The following ATP6V0A1 variants were observed in gnomAD, a reference collection of about 807,000 sequenced individuals.
The protein encoded by ATP6V0A1 is V-type proton ATPase 116 kDa subunit a 1.
Under a neutral mutation model 105.4 loss-of-function variants are expected in ATP6V0A1, and 43 were observed. The observed-to-expected ratio is 0.41, with a 90% CI of 0.32 to 0.53. The LOEUF (loss-of-function observed/expected upper bound fraction) is 0.53, where lower values mean the gene tolerates loss of function less well. Among genes scored for constraint, ATP6V0A1 ranks in the 20% least tolerant of loss-of-function variants. The probability of loss-of-function intolerance (pLI) is 0.30; values close to 1 mark genes in which losing one functional copy is unlikely to be tolerated. For missense variants in ATP6V0A1, 676 were observed against 1,051.1 expected (o/e 0.64, Z 4.93); for synonymous variants, 362 against 372.8 (o/e 0.97, Z 0.33).
chr17:42,495,331 T>G lies in ATP6V0A1; in HGVS notation c.1469+143T>G, dbSNP rs1393838101. 1.3e-5 allele frequency: 13 copies of G among 975,072 alleles called. No homozygotes were observed. The East Asian group carries it at 3.1e-4, about 23-fold the overall frequency. The allele number at this position is 975,072 out of a possible 1,614,324, so 60.4% of individuals were successfully genotyped here. On this transcript the variant is annotated intron_variant, in intron 13 of 21. Coordinates refer to ENST00000343619, the MANE Select transcript of ATP6V0A1 (RefSeq NM_001130021.3). ...ATGCTCCACACTGTGAGTTGCTTTG[T>G]GATTTGTTCAGCAAGTATCCAGGAA...
chr17:42,496,638 C>G (rs963516094), intron 14 of ATP6V0A1: 1 of 151,826 alleles, frequency 6.6e-6, no homozygotes, highest in African/African-American at 2.4e-5. Flanking sequence ...GTCAGGAGTT[C>G]GAGACCAGCC....
At chr17:42,514,525 G>A (rs2146307733) in intron 21 of ATP6V0A1, 65 bp downstream of exon 21, 1 of 1,457,534 alleles carries the variant, frequency 6.9e-7, no homozygotes, top group South Asian at 1.4e-5. Context: ...TGAGAGGGCA[G>A]CTTTTCTCCC....
Position 42,512,965 on chromosome 17 carries a change from A to G in ATP6V0A1, c.2131-896A>G, listed in dbSNP as rs185043154. On this transcript the variant is annotated intron_variant, in intron 19 of 21. Transcript: ENST00000343619. ...CAGCTTGACAGAGAGGCCCAGGGAA[A>G]GTACCTGGGGCTTCCAGAATATACC... Among the ~76,000 whole-genome samples, 609 of 152,346 alleles carry G rather than the reference A, an allele frequency of 4.0e-3. 6 individuals are homozygous for G. Among genetic ancestry groups the G allele is most frequent in the African/African-American group, 0.013 (533 of 41,580 alleles).
intron 9 of ATP6V0A1, 74 bp downstream of exon 9, chr17:42,483,205 C>G: frequency 8.5e-7 from 1 of 1,173,706 alleles, no homozygotes; most frequent in Non-Finnish European, 1.1e-6. Context: ...CCTTGAAATG[C>G]TGATATTCTA....
Position 42,521,124 on chromosome 17 carries a change from C to A in ATP6V0A1, c.*4C>A. 1 of 1,602,158 alleles carries A rather than the reference C, an allele frequency of 6.2e-7. No individual in the cohort carries two copies. Among genetic ancestry groups the A allele is most frequent in the Non-Finnish European group, 8.5e-7 (1 of 1,173,672 alleles). ...GGAAGGGAAGTTTGAAGAGTGAGTCCCTGTGAGGGCCGTGTGCCCCATGCT... is the reference window on the plus strand; with the variant it reads ...GGAAGGGAAGTTTGAAGAGTGAGTCACTGTGAGGGCCGTGTGCCCCATGCT... On this transcript the variant is annotated 3_prime_UTR_variant, in exon 22 of 22. Coordinates refer to ENST00000343619, the MANE Select transcript of ATP6V0A1 (RefSeq NM_001130021.3). The surrounding 1 kb of genome is among the most constrained non-coding windows in gnomAD (Gnocchi z 4.8).
At chr17:42,463,947 A>G (rs1184679230) in intron 2 of ATP6V0A1, among the ~76,000 whole-genome samples, 2 of 152,200 alleles carry the variant, frequency 1.3e-5, no homozygotes, top group African/African-American at 2.4e-5. Flanking sequence ...CTGAAAGTGG[A>G]TCATCTTGAA....
chr17:42,491,415 ATTC>A (rs1001723870), intron 11 of ATP6V0A1, among the ~76,000 whole-genome samples: 6 of 152,114 alleles, frequency 3.9e-5, no homozygotes. Flanking sequence ...GGTTCACGCC[ATTC>A]TTCTGCCTCA....
chr17:42,499,512 G>A (rs925614898), intron 15 of ATP6V0A1, among the ~76,000 whole-genome samples: 3 of 151,762 alleles, frequency 2.0e-5, no homozygotes, highest in South Asian at 2.1e-4. Context: ...GTCTGGCCGG[G>A]TGCAGTGGCT....
intron 14 of ATP6V0A1, chr17:42,496,435 T>G (rs964852159): frequency 5.3e-5 from 8 of 152,250 alleles, no homozygotes; most frequent in African/African-American, 1.9e-4. Context: ...AATTAATTTT[T>G]TTTTCAAATG....
intron 9 of ATP6V0A1, among the ~76,000 whole-genome samples, chr17:42,484,062 G>C (rs990807886): frequency 1.3e-5 from 2 of 151,764 alleles, no homozygotes; most frequent in Non-Finnish European, 2.9e-5. Context: ...TGTTTTGTTT[G>C]TTCGTTTGTT....
intron 3 of ATP6V0A1, among the ~76,000 whole-genome samples, chr17:42,467,523 T>C (rs2087253433): frequency 6.6e-6 from 1 of 152,254 alleles, no homozygotes; most frequent in Admixed American, 6.5e-5. Flanking sequence ...GCTTTTTCAT[T>C]TTTGTTTTTT....
At chr17:42,505,320 C>G (rs1261563419) in intron 17 of ATP6V0A1, among the ~76,000 whole-genome samples, 1 of 152,238 alleles carries the variant, frequency 6.6e-6, no homozygotes, top group African/African-American at 2.4e-5. Context: ...ATTCTCCTGC[C>G]TCAGCTTCCT....
intron 7 of ATP6V0A1, among the ~76,000 whole-genome samples, chr17:42,479,486 G>A (rs1243852806): frequency 6.6e-6 from 1 of 152,240 alleles, no homozygotes; most frequent in Admixed American, 6.5e-5. Flanking sequence ...TGATTTCAGG[G>A]AGTACCAGTG....
intron 9 of ATP6V0A1, 136 bp downstream of exon 9, chr17:42,483,267 A>G (rs2089743956): frequency 3.8e-6 from 2 of 519,712 alleles, no homozygotes; most frequent in Non-Finnish European, 6.1e-6. Flanking sequence ...TACATGGGTA[A>G]TATGTCCTTC....
At chr17:42,462,998 C>CT (rs35135162) in intron 2 of ATP6V0A1, among the ~76,000 whole-genome samples, 30,785 of 65,650 alleles carry the variant, frequency 0.47, 6,927 homozygotes, top group East Asian at 0.61. Flanking sequence ...GGATATGGAA[C>CT]TTTTTTTTTT....
At position 42,494,700 on chromosome 17, in the gene ATP6V0A1, GA is replaced by G. The variant is rs1388733067; in HGVS notation, c.1314+229del. On this transcript the variant is annotated intron_variant, in intron 12 of 21. Coordinates refer to ENST00000343619, the MANE Select transcript of ATP6V0A1 (RefSeq NM_001130021.3). The stretch of plus-strand genomic sequence containing the variant: ...AGGCAGGAGAATCACTTGAGCCCAG[GA>G]ATTCGAGACCAGCATAGGCAACATA... 20 of 553,886 alleles carry G rather than the reference GA, an allele frequency of 3.6e-5. No individual in the cohort carries two copies. In the African/African-American group the frequency reaches 3.8e-4, roughly 10 times the overall value. 34.3% of individuals were successfully genotyped at this position (553,886 alleles called of 1,614,324 possible). A position where few individuals can be genotyped will look rare whatever the true frequency, so the allele number is the denominator to read the frequency against.
intron 14 of ATP6V0A1, among the ~76,000 whole-genome samples, chr17:42,498,236 CAATAAATAAATA>C (rs570097007): frequency 6.6e-6 from 1 of 151,888 alleles, no homozygotes; most frequent in African/African-American, 2.4e-5. Context: ...AATTCCATCT[CAATAAATAAATA>C]AATAAATAAA....
intron 2 of ATP6V0A1, among the ~76,000 whole-genome samples, chr17:42,465,807 T>C (rs982379762): frequency 1.3e-5 from 2 of 151,460 alleles, no homozygotes; most frequent in Non-Finnish European, 2.9e-5. Flanking sequence ...CTACTAAAAA[T>C]GCAAGAAAAT....
chr17:42,470,213 G>T lies in ATP6V0A1; in HGVS notation c.418G>T (p.Asp140Tyr). The T allele has an allele frequency of 6.2e-7, 1 of 1,612,808 alleles. No individual in the cohort carries two copies. The highest frequency in any genetic ancestry group is 8.5e-7 in the Non-Finnish European group (1 of 1,179,462). ...FILRKTQQFF[D>Y]EMADPDLLEE... is the part of the protein sequence containing the mutation. ...ACTTCGCAAAACTCAGCAATTTTTT[G>T]ATGAGGTCAGACTATTGTTTCTTTT... The change falls in exon 5 of 22, where the codon GAT (aspartate) becomes TAT (tyrosine). Residue 140 changes from aspartate to tyrosine, a missense_variant. This residue lies in a region of ATP6V0A1 where 239 missense variants were observed against 388.4 expected (regional missense o/e 0.62). Transcript: ENST00000343619.
Sources: gnomAD v4.1 joint callset for allele counts (sites outside exome capture counted in the v4.1 genomes callset) on GRCh38, gnomAD v4.1.1 for gene constraint, gnomAD v4.1.1 regional missense constraint, Gnocchi (gnomAD v3.1) non-coding constraint, MANE v1.5 for transcripts, NCBI Gene and HGNC (gene_info 2026-07-23, HGNC 2026-07-21) for gene names.